KIAA0825: variants seen among roughly 807,000 people sequenced by gnomAD.
KIAA0825 encodes the protein KIAA0825.
In KIAA0825, 119 loss-of-function variants were observed where a neutral mutation model predicts 147.6. The observed-to-expected ratio is 0.81, with a 90% CI of 0.69 to 0.94. The LOEUF (loss-of-function observed/expected upper bound fraction) is 0.94, where lower values mean the gene tolerates loss of function less well. Ranked by LOEUF, KIAA0825 falls within the 40% of genes least tolerant of loss-of-function variation. The probability of loss-of-function intolerance (pLI) is 0.00; values close to 1 mark genes in which losing one functional copy is unlikely to be tolerated. For synonymous variants in KIAA0825, 470 were observed against 518.1 expected (o/e 0.91, Z 1.26); for missense variants, 1,381 against 1,472.7 (o/e 0.94, Z 1.02).
intron 20 of KIAA0825, among the ~76,000 whole-genome samples, chr5:94,262,342 T>C (rs1021105091): frequency 6.6e-6 from 1 of 152,088 alleles, no homozygotes; most frequent in African/African-American, 2.4e-5. Flanking sequence ...TAGCATAGCC[T>C]CTTTGAAAGG....
At chr5:94,590,310 T>C (rs1784120001) in intron 1 of KIAA0825, among the ~76,000 whole-genome samples, 1 of 152,224 alleles carries the variant, frequency 6.6e-6, no homozygotes, top group Admixed American at 6.5e-5. Flanking sequence ...TGGTTTCTTA[T>C]ACCATTTATT....
intron 20 of KIAA0825, among the ~76,000 whole-genome samples, chr5:94,179,848 G>A (rs1167657271): frequency 6.7e-6 from 1 of 150,334 alleles, no homozygotes; most frequent in African/African-American, 2.5e-5. Flanking sequence ...AAATATACAT[G>A]AATCCATACT....
intron 20 of KIAA0825, among the ~76,000 whole-genome samples, chr5:94,187,277 A>C (rs553896652): frequency 1.3e-5 from 2 of 151,216 alleles, no homozygotes; most frequent in East Asian, 1.9e-4. Flanking sequence ...GAAAACTAGC[A>C]TTTTTTAGCC....
intron 20 of KIAA0825, among the ~76,000 whole-genome samples, chr5:94,332,432 G>A (rs1294850265): frequency 6.6e-6 from 1 of 152,014 alleles, no homozygotes; most frequent in Non-Finnish European, 1.5e-5. Context: ...GTGCCCATAT[G>A]TTCTCATTGT....
intron 11 of KIAA0825, among the ~76,000 whole-genome samples, chr5:94,464,357 G>C (rs1298530255): frequency 6.6e-6 from 1 of 151,994 alleles, no homozygotes; most frequent in Non-Finnish European, 1.5e-5. Flanking sequence ...CTGGCTGTTA[G>C]TAACAAATAG....
rs1476221086 is a variant in KIAA0825 at position 94,545,400 on chromosome 5, CA to C, written c.-1-8274del. ...GGGGCAGCTAAGGGAGTGCTTGTGC[CA>C]CCCCTCCCCCAACCCCAGGCAGCAC... On this transcript the variant is annotated intron_variant, in intron 2 of 20. Transcript: ENST00000682413. Among the ~76,000 whole-genome samples the C allele has an allele frequency of 2.0e-5, 3 of 152,238 alleles. No homozygotes were observed. In the East Asian group the frequency reaches 5.8e-4, roughly 29 times the overall value.
intron 3 of KIAA0825, among the ~76,000 whole-genome samples, chr5:94,526,022 T>C (rs1458408897): frequency 6.6e-6 from 1 of 152,012 alleles, no homozygotes; most frequent in Non-Finnish European, 1.5e-5. Context: ...TTTAGTTGGC[T>C]GTCTTGTTGT....
chr5:94,472,911 C>T (rs1289441692), intron 8 of KIAA0825, among the ~76,000 whole-genome samples: 1 of 152,116 alleles, frequency 6.6e-6, no homozygotes, highest in Non-Finnish European at 1.5e-5. Context: ...ATGAAAAGCT[C>T]ATTAAGGTGA....
chr5:94,154,090 C>A lies in KIAA0825; in HGVS notation c.3745G>T (p.Glu1249Ter), dbSNP rs1190490905. The stretch of plus-strand genomic sequence containing the variant: ...AAGTGCTCCAGTATTGCTTTTTCTT[C>A]CTCTTCTAGTGTTTCATCCTTCTTC... ...EMKKDETLEEEEKAILEHLKQ... is the reference protein window; with the variant it reads ...EMKKDETLEE The change falls in exon 21 of 21, where the codon GAA (glutamate) becomes TAA (stop). Residue 1249 changes from glutamate to a stop codon, truncating the protein, a stop_gained. Coordinates refer to ENST00000682413, the MANE Select transcript of KIAA0825 (RefSeq NM_001145678.3). LOFTEE classifies it high-confidence loss of function. 1 of 1,551,506 alleles carries A rather than the reference C, an allele frequency of 6.4e-7. No homozygotes were observed. The highest frequency in any genetic ancestry group is 1.4e-5 in the African/African-American group (1 of 73,150).
At chr5:94,520,179 A>G in intron 5 of KIAA0825, 69 bp downstream of exon 5, 1 of 1,413,964 alleles carries the variant, frequency 7.1e-7, no homozygotes, top group Non-Finnish European at 9.3e-7. Context: ...CAAATAGAAA[A>G]CATCTTAGAA....
intron 15 of KIAA0825, among the ~76,000 whole-genome samples, chr5:94,407,620 T>C (rs2150654025): frequency 6.6e-6 from 1 of 152,298 alleles, no homozygotes; most frequent in South Asian, 2.1e-4. Context: ...ATTCCATTTA[T>C]ACAGAAGTTC....
rs764910424 is a variant in KIAA0825, at chr5:94,465,057, C to T, written c.1875G>A (p.Gly625=). The change falls in exon 11 of 21, where the codon GGG becomes GGA. Residue 625 remains glycine (G), a splice_region_variant and synonymous_variant. Coordinates refer to ENST00000682413, the MANE Select transcript of KIAA0825 (RefSeq NM_001145678.3). ...HWDDYKAFYE[G]ERCSFSIQMW... The stretch of plus-strand genomic sequence containing the variant: ...TCTGGATCGAGAAGGAACATCTTTC[C>T]CCCTGGCAAAGCCAGCACACGTTAA... 4.5e-6 allele frequency: 7 copies of T among 1,550,798 alleles called. No homozygotes were observed. The South Asian group carries it at 7.1e-5, about 16-fold the overall frequency.
At position 94,546,963 on chromosome 5, in the gene KIAA0825, G is replaced by C. The variant is rs529958343; in HGVS notation, c.-1-9836C>G. ...GTTGAGGAAAATCAAAGAAATTCAA[G>C]ATAACGCAGAGAAGGAATTCAGAAT... On this transcript the variant is annotated intron_variant, in intron 2 of 20. Transcript: ENST00000682413. 2.8e-4 allele frequency among the ~76,000 whole-genome samples: 42 copies of C among 151,936 alleles called. 1 individual carries two copies. Among genetic ancestry groups the C allele is most frequent in the African/African-American group, 1.0e-3 (42 of 41,436 alleles).
intron 14 of KIAA0825, 58 bp downstream of exon 14, chr5:94,439,924 T>C: frequency 2.7e-6 from 4 of 1,495,664 alleles, no homozygotes; most frequent in South Asian, 2.6e-5. Flanking sequence ...AAAAATGTTA[T>C]TCAACTCGAG....
chr5:94,560,607 T>C (rs1348796215), intron 2 of KIAA0825, among the ~76,000 whole-genome samples: 1 of 152,254 alleles, frequency 6.6e-6, no homozygotes, highest in African/African-American at 2.4e-5. Flanking sequence ...TCTGGCCTTT[T>C]GGTTATTTCA....
At chr5:94,304,236 G>A (rs1778583050) in intron 20 of KIAA0825, among the ~76,000 whole-genome samples, 2 of 152,026 alleles carry the variant, frequency 1.3e-5, no homozygotes, top group African/African-American at 2.4e-5. Context: ...CACATGAAAC[G>A]AAGACAAGTC....
chr5:94,540,975 A>C (rs541032181), intron 2 of KIAA0825, among the ~76,000 whole-genome samples: 1 of 152,350 alleles, frequency 6.6e-6, no homozygotes, highest in Admixed American at 6.5e-5. Flanking sequence ...TTTATCCTAA[A>C]GTAAAATAAC....
chr5:94,617,158 G>C (rs1289168468), intron 1 of KIAA0825, among the ~76,000 whole-genome samples: 1 of 152,118 alleles, frequency 6.6e-6, no homozygotes, highest in Non-Finnish European at 1.5e-5. Context: ...AAGTATTAAT[G>C]ATTGGCTACA....
At chr5:94,184,061 C>A (rs915734339) in intron 20 of KIAA0825, among the ~76,000 whole-genome samples, 3 of 152,138 alleles carry the variant, frequency 2.0e-5, no homozygotes, top group African/African-American at 7.2e-5. Context: ...GGGGACTGCA[C>A]TAACTCCGGG....
Sources: gnomAD v4.1 joint callset for allele counts (sites outside exome capture counted in the v4.1 genomes callset) on GRCh38, gnomAD v4.1.1 for gene constraint, MANE v1.5 for transcripts, NCBI Gene and HGNC (gene_info 2026-07-23, HGNC 2026-07-21) for gene names.